The following LMO4 variants were observed in gnomAD, a reference collection of about 807,000 sequenced individuals.
The protein encoded by LMO4 is LIM domain transcription factor LMO4.
In LMO4, 3 loss-of-function variants were observed where a neutral mutation model predicts 18.5. The observed-to-expected ratio is 0.16, with a 90% CI of 0.07 to 0.42. The LOEUF (loss-of-function observed/expected upper bound fraction) is 0.42. Ranked by LOEUF, LMO4 falls within the 10% of genes least tolerant of loss-of-function variation. LMO4 has a pLI of 0.99. For synonymous variants in LMO4, 100 were observed against 88.1 expected (o/e 1.14, Z -0.76); for missense variants, 121 against 219.9 (o/e 0.55, Z 2.84).
chr1:87,334,433 G>A (rs1253402321), intron 2 of LMO4, among the ~76,000 whole-genome samples: 2 of 152,146 alleles, frequency 1.3e-5, no homozygotes, highest in East Asian at 3.9e-4. Context: ...AGGGTGGGAA[G>A]GTGCAGACGT....
In LMO4 at chr1:87,339,905, A is replaced by G. The variant is rs1650424411; in HGVS notation, c.334-142A>G. 7.6e-6 allele frequency: 7 copies of G among 915,166 alleles called. No homozygotes were observed. In the East Asian group the frequency reaches 1.5e-4, roughly 20 times the overall value. 56.7% of individuals were successfully genotyped at this position (915,166 alleles called of 1,614,324 possible). On this transcript the variant is annotated intron_variant, in intron 3 of 4. Transcript: ENST00000370544. ...CAATTTGGCTTACTGTTTTCTGGAG[A>G]TCTGTCAAAGGAAGAAAAAACGCTA...
intron 1 of LMO4, among the ~76,000 whole-genome samples, chr1:87,330,757 C>T (rs979706518): frequency 1.3e-5 from 2 of 152,164 alleles, no homozygotes; most frequent in South Asian, 2.1e-4. Context: ...ACACTCTCAG[C>T]TTACAGAGGA....
intron 4 of LMO4, among the ~76,000 whole-genome samples, chr1:87,344,151 A>G (rs780293615): frequency 1.3e-5 from 2 of 152,242 alleles, no homozygotes; most frequent in Non-Finnish European, 1.5e-5. Context: ...AAATTTTCAT[A>G]TAGACACACA....
intron 2 of LMO4, among the ~76,000 whole-genome samples, chr1:87,338,269 C>T (rs1178365848): frequency 6.6e-6 from 1 of 152,128 alleles, no homozygotes; most frequent in Admixed American, 6.5e-5. Context: ...ATGGGGTGTT[C>T]TATAGGAATA....
chr1:87,331,842 C>CAGAAGGTGTAGA, intron 1 of LMO4, 171 bp from the exon 2 acceptor site: 9 of 578,908 alleles, frequency 1.6e-5, no homozygotes, highest in Admixed American at 6.3e-5. Context: ...GCCGGCGAGC[C>CAGAAGGTGTAGA]TCCCTTCTTC....
In LMO4 at chr1:87,348,582, CG is replaced by C; in HGVS notation, c.*3787del. On this transcript the variant is annotated 3_prime_UTR_variant, in exon 5 of 5. Coordinates refer to ENST00000370544, the MANE Select transcript of LMO4 (RefSeq NM_006769.4). ...TAGCAGCAAAGTGTAGCACATTCGC[CG>C]ATGCTGGGTACCTAGTTAAAGAGGC... 2.4e-6 allele frequency: 1 copy of C among 419,428 alleles called. No homozygotes were observed. The highest frequency in any genetic ancestry group is 7.1e-5 in the East Asian group (1 of 14,096). 26.0% of individuals were successfully genotyped at this position (419,428 alleles called of 1,614,324 possible).
chr1:87,343,220 G>A (rs1469558703), intron 4 of LMO4, among the ~76,000 whole-genome samples: 1 of 152,186 alleles, frequency 6.6e-6, no homozygotes, highest in Non-Finnish European at 1.5e-5. Context: ...GGGCTGTGTA[G>A]TGTAGTTGTT....
At chr1:87,336,827 T>TA (rs1310343126) in intron 2 of LMO4, among the ~76,000 whole-genome samples, 18 of 152,284 alleles carry the variant, frequency 1.2e-4, no homozygotes, top group African/African-American at 4.3e-4. Context: ...TTGCTTGAGT[T>TA]AAAGAGAAAA....
chr1:87,347,766 GT>G lies in LMO4; in HGVS notation c.*2976del, dbSNP rs1297748821. ...AGATAGTCCTCTAAAAGGGTTTAAT[GT>G]TTTTTACCTATCTAACTGTCTAATT... On this transcript the variant is annotated 3_prime_UTR_variant, in exon 5 of 5. Transcript: ENST00000370544. 1 of 152,172 alleles carries G rather than the reference GT, an allele frequency of 6.6e-6. No individual in the cohort carries two copies. The highest frequency in any genetic ancestry group is 1.5e-5 in the Non-Finnish European group (1 of 68,020). 9.4% of individuals were successfully genotyped at this position (152,172 alleles called of 1,614,324 possible). A position where few individuals can be genotyped will look rare whatever the true frequency, so the allele number is the denominator to read the frequency against.
rs1650169865 is a variant in LMO4 at position 87,332,008 on chromosome 1, T to G, written c.-3-5T>G. 2 of 1,610,518 alleles carry G rather than the reference T, an allele frequency of 1.2e-6. No individual in the cohort carries two copies. Among genetic ancestry groups the G allele is most frequent in the African/African-American group, 2.7e-5 (2 of 75,012 alleles). ...CTCTCCCTGTCCCCTTCCCGCCCTC[T>G]GCAGACCATGGTGAATCCGGGCAGC... On this transcript the variant is annotated splice_polypyrimidine_tract_variant and splice_region_variant and intron_variant, in intron 1 of 4. Transcript: ENST00000370544.
At chr1:87,331,753 A>C (rs1650155267) in intron 1 of LMO4, 1 of 503,486 alleles carries the variant, frequency 2.0e-6, no homozygotes, top group Non-Finnish European at 3.5e-6. Context: ...TGAAATTGTC[A>C]GCGGCGGCAA....
Position 87,348,323 on chromosome 1 carries a change from C to A in LMO4, c.*3527C>A. ...GGTGCTGTCCCACCTATGACCCCTT[C>A]AAGAGGCCATTGGAAAAAGGCCATT... On this transcript the variant is annotated 3_prime_UTR_variant, in exon 5 of 5. Coordinates refer to ENST00000370544, the MANE Select transcript of LMO4 (RefSeq NM_006769.4). 4.5e-6 allele frequency: 1 copy of A among 220,280 alleles called. No individual in the cohort carries two copies. The highest frequency in any genetic ancestry group is 7.3e-5 in the South Asian group (1 of 13,732). 13.6% of individuals were successfully genotyped at this position (220,280 alleles called of 1,614,324 possible). A position where few individuals can be genotyped will look rare whatever the true frequency, so the allele number is the denominator to read the frequency against.
At chr1:87,343,917 A>G (rs1256100588) in intron 4 of LMO4, among the ~76,000 whole-genome samples, 1 of 152,200 alleles carries the variant, frequency 6.6e-6, no homozygotes, top group Non-Finnish European at 1.5e-5. Context: ...ATAACAACCT[A>G]ATATGTATTA....
At chr1:87,337,550 C>G (rs1650349332) in intron 2 of LMO4, among the ~76,000 whole-genome samples, 1 of 152,172 alleles carries the variant, frequency 6.6e-6, no homozygotes, top group Non-Finnish European at 1.5e-5. Context: ...TGTTCTTTAG[C>G]CTTGTTAGGA....
At chr1:87,340,665 A>T (rs1021272765) in intron 4 of LMO4, among the ~76,000 whole-genome samples, 3 of 152,222 alleles carry the variant, frequency 2.0e-5, no homozygotes, top group African/African-American at 7.2e-5. Context: ...AACCCAATTT[A>T]CAATTCATTT....
At chr1:87,329,325 T>C (rs977306818) in intron 1 of LMO4, 81 bp downstream of exon 1, 1 of 152,234 alleles carries the variant, frequency 6.6e-6, no homozygotes, top group African/African-American at 2.4e-5. Flanking sequence ...GCTGTTTTCT[T>C]TGGCTTCCTT....
chr1:87,335,574 T>C (rs1650284887), intron 2 of LMO4, among the ~76,000 whole-genome samples: 1 of 150,202 alleles, frequency 6.7e-6, no homozygotes, highest in South Asian at 2.1e-4. Flanking sequence ...CGGCCGGGGG[T>C]GGGGGCCTGG....
At chr1:87,334,943 T>C (rs1052056993) in intron 2 of LMO4, among the ~76,000 whole-genome samples, 7 of 151,072 alleles carry the variant, frequency 4.6e-5, no homozygotes, top group African/African-American at 1.5e-4. Context: ...TTAGATCTGC[T>C]CCGAATGACG....
At position 87,330,198 on chromosome 1, in the gene LMO4, T is replaced by TG. The variant is rs1553157030; in HGVS notation, c.-4+954_-4+955insG. Among the ~76,000 whole-genome samples the TG allele has an allele frequency of 5.1e-3, 741 of 145,992 alleles. 3 individuals carry two copies. Among genetic ancestry groups the TG allele is most frequent in the African/African-American group, 0.018 (695 of 37,934 alleles). ...CTTTTCTCAGTGTAATGTTTCCTTT[T>TG]CAAAAAAAAAATACATATATATTTA... On this transcript the variant is annotated intron_variant, in intron 1 of 4. Transcript: ENST00000370544.
Sources: allele counts gnomAD v4.1 joint callset (sites outside exome capture counted in the v4.1 genomes callset), GRCh38; gene constraint gnomAD v4.1.1; transcripts MANE v1.5; gene names NCBI Gene and HGNC (gene_info 2026-07-23, HGNC 2026-07-21).